PLEKHG1: variants seen among roughly 807,000 people sequenced by gnomAD.
The protein encoded by PLEKHG1 is pleckstrin homology and RhoGEF domain containing G1, also known as pleckstrin homology domain-containing family G member 1.
In PLEKHG1, 44 loss-of-function variants were observed where a neutral mutation model predicts 100.8. The ratio of observed to expected loss-of-function variants is 0.44; its 90% CI spans 0.34 to 0.56. PLEKHG1 has a LOEUF of 0.56. PLEKHG1 is among the 20% of genes least tolerant of loss of function. The pLI is 0.01. For synonymous variants in PLEKHG1, 640 were observed against 662.5 expected (o/e 0.97, Z 0.52); for missense variants, 1,545 against 1,720.9 (o/e 0.90, Z 1.81).
At chr6:150,615,375 T>C (rs562112828) in intron 1 of PLEKHG1, among the ~76,000 whole-genome samples, 2 of 152,324 alleles carry the variant, frequency 1.3e-5, no homozygotes, top group African/African-American at 4.8e-5. Context: ...TACTGGAATG[T>C]ACACCATTGA....
chr6:150,663,091 A>G (rs1030932555), intron 3 of PLEKHG1: 3 of 152,156 alleles, frequency 2.0e-5, no homozygotes, highest in African/African-American at 7.2e-5. Context: ...TTCTTCCCCC[A>G]TGGTCGTTCT....
intron 3 of PLEKHG1, among the ~76,000 whole-genome samples, chr6:150,774,874 A>T (rs955815012): frequency 2.7e-5 from 4 of 150,248 alleles, no homozygotes; most frequent in Non-Finnish European, 5.9e-5. Context: ...ATTCTTTTTT[A>T]AAATTAAAAA....
chr6:150,730,538 A>G (rs916251690), intron 1 of PLEKHG1, among the ~76,000 whole-genome samples: 2 of 152,136 alleles, frequency 1.3e-5, no homozygotes, highest in African/African-American at 4.8e-5. Flanking sequence ...TCGCTTGCCC[A>G]TCGCTCACTT....
intron 2 of PLEKHG1, among the ~76,000 whole-genome samples, chr6:150,759,602 G>A (rs564219449): frequency 2.1e-4 from 32 of 152,214 alleles, no homozygotes; most frequent in Non-Finnish European, 3.8e-4. Context: ...CTCAGCTTCC[G>A]GGAAAATGGG....
At chr6:150,629,539 C>T (rs1385427569) in intron 1 of PLEKHG1, among the ~76,000 whole-genome samples, 3 of 152,084 alleles carry the variant, frequency 2.0e-5, no homozygotes, top group African/African-American at 7.2e-5. Context: ...CGGCTTACTG[C>T]AACCTCCGCC....
At position 150,701,549 on chromosome 6, in the gene PLEKHG1, C is replaced by T. The variant is rs567842275; in HGVS notation, c.-98-32035C>T. Among the ~76,000 whole-genome samples, 40 of 142,842 alleles carry T rather than the reference C, an allele frequency of 2.8e-4. No homozygotes were observed. The South Asian group carries it at 8.8e-3, about 32-fold the overall frequency. The allele number at this position is 142,842 out of a possible 152,430, so 93.7% of individuals were successfully genotyped here. ...ATACATGTGCCATGTTGGTGTGCTG[C>T]ACCCATTAACTCATCATTTACATTA... On this transcript the variant is annotated intron_variant, in intron 3 of 3. Transcript: ENST00000367326.
intron 10 of PLEKHG1, among the ~76,000 whole-genome samples, chr6:150,817,210 C>T (rs545396450): frequency 1.3e-5 from 2 of 152,328 alleles, no homozygotes; most frequent in South Asian, 4.1e-4. Flanking sequence ...GCTCCCTGAT[C>T]CCACTGTCCA....
At chr6:150,775,204 C>T (rs1562507296) in intron 3 of PLEKHG1, among the ~76,000 whole-genome samples, 1 of 152,110 alleles carries the variant, frequency 6.6e-6, no homozygotes, top group Non-Finnish European at 1.5e-5. Flanking sequence ...CCCTAAAATC[C>T]AACAGCGTGT....
chr6:150,809,903 A>AAAG (rs1191340512), intron 10 of PLEKHG1, among the ~76,000 whole-genome samples, 169 bp downstream of exon 11: 37 of 151,814 alleles, frequency 2.4e-4, no homozygotes, highest in African/African-American at 8.5e-4. Flanking sequence ...AAAAAAAAAA[A>AAAG]AAGAGTTTAG....
intron 3 of PLEKHG1, chr6:150,662,608 GTT>G (rs1291480099): frequency 6.6e-6 from 1 of 152,148 alleles, no homozygotes; most frequent in African/African-American, 2.4e-5. Context: ...TAGAGACAGG[GTT>G]TCGTCATGTT....
At chr6:150,672,552 T>C (rs1779617747) in intron 3 of PLEKHG1, among the ~76,000 whole-genome samples, 1 of 152,238 alleles carries the variant, frequency 6.6e-6, no homozygotes, top group African/African-American at 2.4e-5. Context: ...CTATATTAAA[T>C]TGATGCTCTA....
At chr6:150,693,417 T>C (rs891111463) in intron 3 of PLEKHG1, among the ~76,000 whole-genome samples, 2 of 152,238 alleles carry the variant, frequency 1.3e-5, no homozygotes, top group South Asian at 2.1e-4. Context: ...TTGGAAGCTC[T>C]TGTGTCAGCA....
At chr6:150,628,529 C>A (rs1210821497) in intron 1 of PLEKHG1, among the ~76,000 whole-genome samples, 2 of 87,918 alleles carry the variant, frequency 2.3e-5, no homozygotes, top group Admixed American at 1.0e-4. Flanking sequence ...GATAGGAAAA[C>A]ACACACACAC....
chr6:150,614,428 A>G (rs1776976809), intron 1 of PLEKHG1, among the ~76,000 whole-genome samples: 1 of 152,212 alleles, frequency 6.6e-6, no homozygotes, highest in Non-Finnish European at 1.5e-5. Context: ...ACTGTACAGG[A>G]TCATGATGAA....
chr6:150,685,454 G>A (rs560108263), intron 3 of PLEKHG1, among the ~76,000 whole-genome samples: 1 of 152,288 alleles, frequency 6.6e-6, no homozygotes, highest in African/African-American at 2.4e-5. Context: ...AGGAAGGAGA[G>A]GCACCCAACA....
At chr6:150,666,071 TAAAAA>T (rs1345008777) in intron 3 of PLEKHG1, among the ~76,000 whole-genome samples, 1 of 152,176 alleles carries the variant, frequency 6.6e-6, no homozygotes, top group African/African-American at 2.4e-5. Context: ...AATTTCCTGT[TAAAAA>T]ACAAAAGCAT....
intron 1 of PLEKHG1, among the ~76,000 whole-genome samples, chr6:150,611,818 A>C (rs1272871422): frequency 6.6e-6 from 1 of 151,984 alleles, no homozygotes; most frequent in Non-Finnish European, 1.5e-5. Flanking sequence ...TCTCAAAAAA[A>C]AAAAAAAAAG....
At position 150,707,854 on chromosome 6, in the gene PLEKHG1, C is replaced by T. The variant is rs540630229; in HGVS notation, c.-98-25730C>T. ...TTTAAAAGATCAGACTTGGCCAGCT[C>T]AGCTGTCACTTCACACAGACATAAA... On this transcript the variant is annotated intron_variant, in intron 3 of 3. Coordinates refer to the PLEKHG1 transcript ENST00000367326. Among the ~76,000 whole-genome samples the T allele has an allele frequency of 5.9e-5, 9 of 152,236 alleles. No homozygotes were observed. The South Asian group carries it at 1.7e-3, about 28-fold the overall frequency.
At chr6:150,806,075 C>A (rs1472758368) in intron 7 of PLEKHG1, among the ~76,000 whole-genome samples, 3 of 152,080 alleles carry the variant, frequency 2.0e-5, no homozygotes, top group Non-Finnish European at 4.4e-5. Flanking sequence ...TACAGAGTGG[C>A]CTTGCCTAAC....
Sources: allele counts gnomAD v4.1 joint callset (sites outside exome capture counted in the v4.1 genomes callset), GRCh38; gene constraint gnomAD v4.1.1; transcripts MANE v1.5; gene names NCBI Gene and HGNC (gene_info 2026-07-23, HGNC 2026-07-21).